TMEM163: variants seen among roughly 807,000 people sequenced by gnomAD.
TMEM163 encodes the protein transmembrane protein 163.
A neutral mutation model predicts 29.3 loss-of-function variants in TMEM163; 17 were observed. That is an observed-to-expected ratio of 0.58 (90% CI 0.40 to 0.87). TMEM163 has a LOEUF of 0.87. Ranked by LOEUF, TMEM163 falls within the 40% of genes least tolerant of loss-of-function variation. TMEM163 has a pLI of 0.00. For missense variants in TMEM163, 303 were observed against 381.5 expected (o/e 0.79, Z 1.71); for synonymous variants, 157 against 160.6 (o/e 0.98, Z 0.17).
chr2:134,469,504 G>C (rs1686744532), intron 5 of TMEM163: 1 of 152,260 alleles, frequency 6.6e-6, no homozygotes. Flanking sequence ...GAGCTCAACT[G>C]GAACTACGTT....
chr2:134,508,416 G>T (rs1258919404), intron 4 of TMEM163, among the ~76,000 whole-genome samples: 1 of 152,222 alleles, frequency 6.6e-6, no homozygotes, highest in Admixed American at 6.5e-5. Context: ...AAAGAGTTAA[G>T]TGGTGTGAGC....
intron 2 of TMEM163, among the ~76,000 whole-genome samples, chr2:134,566,369 CCAGCCAATATGGTGAAA>C (rs1281706546): frequency 1.3e-5 from 2 of 152,026 alleles, no homozygotes; most frequent in African/African-American, 4.8e-5. Flanking sequence ...CGAGACCAGC[CCAGCCAATATGGTGAAA>C]CCCCGTCTCT....
rs549782181 is a variant in TMEM163 at position 134,516,744 on chromosome 2, T to C, written c.459-13747A>G. ...ATTCATATATATGCATATATATGCA[T>C]ATATATATGAATAGATATATATGTG... On this transcript the variant is annotated intron_variant, in intron 4 of 7. Coordinates refer to ENST00000281924, the MANE Select transcript of TMEM163 (RefSeq NM_030923.5). Among the ~76,000 whole-genome samples, 1,339 of 136,102 alleles carry C rather than the reference T, an allele frequency of 9.8e-3. 16 individuals are homozygous for C. The highest frequency in any genetic ancestry group is 0.034 in the South Asian group (134 of 3,888). The allele number at this position is 136,102 out of a possible 152,430, so 89.3% of individuals were successfully genotyped here.
At position 134,457,993 on chromosome 2, in the gene TMEM163, A is replaced by G. The variant is rs201524567; in HGVS notation, c.809+39T>C. 7.4e-5 allele frequency: 120 copies of G among 1,613,544 alleles called. No individual in the cohort carries two copies. In the African/African-American group the frequency reaches 1.3e-3, roughly 18 times the overall value. On this transcript the variant is annotated intron_variant, in intron 7 of 7. Coordinates refer to ENST00000281924, the MANE Select transcript of TMEM163 (RefSeq NM_030923.5). ...AAGGCGGTGGAAAAGGGACACTCCT[A>G]GCTGCCAGGAAAGCAAACAGGAAAG...
At chr2:134,702,176 G>T (rs1684719445) in intron 2 of TMEM163, among the ~76,000 whole-genome samples, 1 of 152,132 alleles carries the variant, frequency 6.6e-6, no homozygotes, top group Non-Finnish European at 1.5e-5. Context: ...GCCTTTTAAT[G>T]ACCTATTTTT....
intron 2 of TMEM163, among the ~76,000 whole-genome samples, chr2:134,696,325 A>C (rs1305187787): frequency 1.3e-5 from 2 of 152,142 alleles, no homozygotes; most frequent in Non-Finnish European, 2.9e-5. Context: ...CAACTGCCCT[A>C]GTTTTAGAAG....
intron 2 of TMEM163, among the ~76,000 whole-genome samples, chr2:134,623,621 GC>G (rs1203840950): frequency 1.3e-5 from 2 of 152,062 alleles, no homozygotes; most frequent in Non-Finnish European, 2.9e-5. Flanking sequence ...CATGAAATTA[GC>G]CTGGCATGAT....
chr2:134,487,710 G>A (rs551783225), intron 5 of TMEM163, among the ~76,000 whole-genome samples: 3 of 152,200 alleles, frequency 2.0e-5, no homozygotes, highest in South Asian at 2.1e-4. Context: ...AGAATGGAAC[G>A]GCAAGTCCAG....
chr2:134,502,011 T>TCA (rs1230038510), intron 5 of TMEM163, among the ~76,000 whole-genome samples: 1 of 152,114 alleles, frequency 6.6e-6, no homozygotes, highest in Non-Finnish European at 1.5e-5. Flanking sequence ...GGAGAATGTC[T>TCA]CACCTCATTT....
At chr2:134,474,123 A>G (rs1263892499) in intron 5 of TMEM163, among the ~76,000 whole-genome samples, 1 of 152,250 alleles carries the variant, frequency 6.6e-6, no homozygotes, top group East Asian at 1.9e-4. Context: ...AGTATCAGCA[A>G]CACAAATTCA....
intron 5 of TMEM163, among the ~76,000 whole-genome samples, chr2:134,473,419 C>T (rs976161263): frequency 6.6e-6 from 1 of 151,740 alleles, no homozygotes; most frequent in Non-Finnish European, 1.5e-5. Context: ...CCTGTAATCC[C>T]AGCTACATGA....
intron 5 of TMEM163, among the ~76,000 whole-genome samples, chr2:134,497,733 G>A (rs918533744): frequency 9.9e-5 from 15 of 152,178 alleles, no homozygotes; most frequent in Non-Finnish European, 1.6e-4. Flanking sequence ...GAGAGGAAGC[G>A]TGATTTGCTA....
chr2:134,665,640 C>T (rs1683857348), intron 2 of TMEM163, among the ~76,000 whole-genome samples: 2 of 152,184 alleles, frequency 1.3e-5, no homozygotes, highest in Non-Finnish European at 2.9e-5. Context: ...GGTGAGTACA[C>T]AGCACACCCA....
chr2:134,632,887 C>G (rs867304908), intron 2 of TMEM163, among the ~76,000 whole-genome samples: 6 of 151,270 alleles, frequency 4.0e-5, no homozygotes, highest in African/African-American at 1.2e-4. Flanking sequence ...GGACGACAGG[C>G]ACCCGCCACC....
chr2:134,592,581 G>A (rs78174526), intron 2 of TMEM163, among the ~76,000 whole-genome samples: 3,201 of 152,162 alleles, frequency 0.021, 113 homozygotes, highest in African/African-American at 0.073. Context: ...CCAAAAGGGA[G>A]GGGGTATAAC....
intron 4 of TMEM163, among the ~76,000 whole-genome samples, chr2:134,540,570 G>A (rs977405527): frequency 2.0e-5 from 3 of 152,188 alleles, no homozygotes; most frequent in African/African-American, 7.2e-5. Flanking sequence ...ATGTCACACT[G>A]GTGAAACTGA....
At chr2:134,605,975 G>A (rs1226399044) in intron 2 of TMEM163, among the ~76,000 whole-genome samples, 1 of 152,186 alleles carries the variant, frequency 6.6e-6, no homozygotes, top group Non-Finnish European at 1.5e-5. Flanking sequence ...CCCCCTGGGG[G>A]TGATTTTGGT....
chr2:134,479,977 C>T (rs573263101), intron 5 of TMEM163, among the ~76,000 whole-genome samples: 4 of 152,354 alleles, frequency 2.6e-5, no homozygotes, highest in South Asian at 2.1e-4. Context: ...TTATCATACA[C>T]TAGCTCAGGA....
intron 2 of TMEM163, among the ~76,000 whole-genome samples, chr2:134,635,452 C>T (rs557694288): frequency 6.6e-6 from 1 of 152,242 alleles, no homozygotes; most frequent in East Asian, 1.9e-4. Context: ...AGTTGAGTTA[C>T]CATTTGAGGT....
Sources: gnomAD v4.1 joint callset for allele counts (sites outside exome capture counted in the v4.1 genomes callset) on GRCh38, gnomAD v4.1.1 for gene constraint, MANE v1.5 for transcripts, NCBI Gene and HGNC (gene_info 2026-07-23, HGNC 2026-07-21) for gene names.